Variants in PTPRM observed in about 807,000 individuals in gnomAD.
The protein encoded by PTPRM is receptor-type tyrosine-protein phosphatase mu.
PTPRM carries 47 observed loss-of-function variants against 186.7 expected under a neutral mutation model. That is an observed-to-expected ratio of 0.25 (90% CI 0.20 to 0.32). The LOEUF (loss-of-function observed/expected upper bound fraction) is 0.32. Among genes scored for constraint, PTPRM ranks in the 10% least tolerant of loss-of-function variants. The pLI, the probability that PTPRM is intolerant of heterozygous loss-of-function variation, is 1.00. For missense variants in PTPRM, 1,494 were observed against 1,865.0 expected, an observed-to-expected ratio of 0.80 and a Z score of 3.66; for synonymous variants, 668 against 674.9, an observed-to-expected ratio of 0.99 and a Z score of 0.16.
At chr18:8,039,066 A>G (rs1255583602) in intron 7 of PTPRM, among the ~76,000 whole-genome samples, 1 of 152,206 alleles carries the variant, frequency 6.6e-6, no homozygotes. Flanking sequence ...CAAATTCATA[A>G]TTCTGTAAGA....
intron 11 of PTPRM, among the ~76,000 whole-genome samples, chr18:8,105,674 T>G (rs1045835037): frequency 4.0e-5 from 6 of 151,754 alleles, no homozygotes; most frequent in Admixed American, 1.3e-4. Flanking sequence ...CCATTCTCAT[T>G]CCCAGGCCCC....
At position 7,706,601 on chromosome 18, in the gene PTPRM, C is replaced by CAAAAAA. The variant is rs766639399; in HGVS notation, c.74-67524_74-67519dup. ...TGGATGACAGAACAAGACCTTGTCTCAAAAAAAAAAAAAAAAAAAAAAAAA... is the reference window on the plus strand; with the variant it reads ...TGGATGACAGAACAAGACCTTGTCTCAAAAAAAAAAAAAAAAAAAAAAAAAAAAAAA... On this transcript the variant is annotated intron_variant, in intron 1 of 32. Transcript: ENST00000580170. Among the ~76,000 whole-genome samples, 92 of 16,138 alleles carry CAAAAAA rather than the reference C, an allele frequency of 5.7e-3. 3 individuals carry two copies. Among genetic ancestry groups the CAAAAAA allele is most frequent in the Middle Eastern group, 0.05 (1 of 20 alleles). 10.6% of individuals were successfully genotyped at this position (16,138 alleles called of 152,430 possible).
At chr18:7,929,028 T>G (rs937604694) in intron 5 of PTPRM, among the ~76,000 whole-genome samples, 5 of 152,168 alleles carry the variant, frequency 3.3e-5, no homozygotes, top group Non-Finnish European at 5.9e-5. Flanking sequence ...TTTTGTTTTG[T>G]TTTGGTTTGT....
chr18:7,805,192 A>G (rs549903960), intron 2 of PTPRM, among the ~76,000 whole-genome samples: 236 of 152,142 alleles, frequency 1.6e-3, no homozygotes, highest in African/African-American at 5.4e-3. Context: ...AACCTGACAC[A>G]TTTTTCTACT....
At chr18:7,717,412 G>T (rs1162840901) in intron 1 of PTPRM, among the ~76,000 whole-genome samples, 3 of 152,200 alleles carry the variant, frequency 2.0e-5, no homozygotes, top group Middle Eastern at 6.8e-3. Context: ...TTACCTACCT[G>T]CCCCATCCCC....
At chr18:7,852,454 G>C (rs181753294) in intron 2 of PTPRM, among the ~76,000 whole-genome samples, 2 of 152,136 alleles carry the variant, frequency 1.3e-5, no homozygotes, top group Admixed American at 1.3e-4. Flanking sequence ...TTGGGAGGCC[G>C]AGACTGGCAG....
intron 7 of PTPRM, among the ~76,000 whole-genome samples, chr18:7,988,184 TATC>T (rs911912762): frequency 2.6e-5 from 4 of 151,912 alleles, no homozygotes; most frequent in African/African-American, 7.3e-5. Context: ...GGGGATCTGT[TATC>T]ATGTTCATTT....
At chr18:8,377,550 G>C (rs2095704436) in intron 26 of PTPRM, 1 of 152,066 alleles carries the variant, frequency 6.6e-6, no homozygotes, top group African/African-American at 2.4e-5. Context: ...GAATCAATCT[G>C]TTGGACAAGA....
intron 22 of PTPRM, among the ~76,000 whole-genome samples, chr18:8,324,824 T>C (rs564277026): frequency 6.6e-6 from 1 of 152,340 alleles, no homozygotes; most frequent in East Asian, 1.9e-4. Flanking sequence ...GATTCAAGTG[T>C]AGCCACTGAA....
At chr18:8,157,870 A>C (rs1186352632) in intron 14 of PTPRM, among the ~76,000 whole-genome samples, 1 of 152,222 alleles carries the variant, frequency 6.6e-6, no homozygotes, top group Non-Finnish European at 1.5e-5. Context: ...GTGGTCTGCC[A>C]CCTGGGGTGG....
chr18:8,362,987 C>T (rs1013030249), intron 23 of PTPRM, among the ~76,000 whole-genome samples: 1 of 152,240 alleles, frequency 6.6e-6, no homozygotes, highest in Non-Finnish European at 1.5e-5. Context: ...GTTGTTTACA[C>T]ATCTGTCTCT....
chr18:8,400,665 C>T (rs1227310845), intron 32 of PTPRM, among the ~76,000 whole-genome samples: 2 of 152,164 alleles, frequency 1.3e-5, no homozygotes, highest in East Asian at 1.9e-4. Flanking sequence ...GCGGATCTGC[C>T]GCACAGGTTC....
At chr18:8,228,742 A>G (rs2094247335) in intron 14 of PTPRM, among the ~76,000 whole-genome samples, 3 of 151,892 alleles carry the variant, frequency 2.0e-5, no homozygotes, top group South Asian at 2.1e-4. Flanking sequence ...AGTCCCAGCT[A>G]CTTGGGAGGC....
chr18:8,053,954 C>T (rs1238213998), intron 7 of PTPRM, among the ~76,000 whole-genome samples: 1 of 151,940 alleles, frequency 6.6e-6, no homozygotes, highest in Non-Finnish European at 1.5e-5. Flanking sequence ...ACAAAAAATG[C>T]AGAGGAGTTC....
At chr18:8,318,352 A>G (rs1396939569) in intron 21 of PTPRM, among the ~76,000 whole-genome samples, 2 of 122,444 alleles carry the variant, frequency 1.6e-5, no homozygotes, top group Non-Finnish European at 1.6e-5. Flanking sequence ...GCTGAAGTAC[A>G]GTGGTGCAAT....
intron 1 of PTPRM, among the ~76,000 whole-genome samples, chr18:7,694,457 C>T (rs1436548760): frequency 2.8e-5 from 4 of 144,442 alleles, no homozygotes; most frequent in Admixed American, 7.2e-5. Context: ...GACAGAGTCT[C>T]GCTCTGTTGC....
At chr18:7,663,272 G>A (rs1230068087) in intron 1 of PTPRM, among the ~76,000 whole-genome samples, 1 of 152,114 alleles carries the variant, frequency 6.6e-6, no homozygotes, top group African/African-American at 2.4e-5. Context: ...TTTTAAACTA[G>A]TTAAAAACTT....
At chr18:7,814,354 G>A (rs1409688510) in intron 2 of PTPRM, 8 of 152,196 alleles carry the variant, frequency 5.3e-5, no homozygotes, top group Admixed American at 5.2e-4. Flanking sequence ...TATGGCTTAG[G>A]GCTCAGGGTA....
chr18:7,935,952 C>T (rs2051778760), intron 5 of PTPRM, among the ~76,000 whole-genome samples: 1 of 152,226 alleles, frequency 6.6e-6, no homozygotes, highest in African/African-American at 2.4e-5. Flanking sequence ...TCCTTTGGCC[C>T]TACAAACCAT....
Sources: allele counts gnomAD v4.1 joint callset (sites outside exome capture counted in the v4.1 genomes callset), GRCh38; gene constraint gnomAD v4.1.1; transcripts MANE v1.5; gene names NCBI Gene and HGNC (gene_info 2026-07-23, HGNC 2026-07-21).